Variants in MNAT1 observed in about 807,000 individuals in gnomAD.
The protein encoded by MNAT1 is CDK-activating kinase assembly factor MAT1.
Under a neutral mutation model 42.0 loss-of-function variants are expected in MNAT1, and 43 were observed. The observed-to-expected ratio is 1.02, with a 90% CI of 0.80 to 1.32. The LOEUF (loss-of-function observed/expected upper bound fraction) is 1.32, where lower values mean the gene tolerates loss of function less well. MNAT1 is among the 40% of genes most tolerant of loss of function. The pLI, the probability that MNAT1 is intolerant of heterozygous loss-of-function variation, is 0.00. For synonymous variants in MNAT1, 118 were observed against 120.0 expected, an observed-to-expected ratio of 0.98 and a Z score of 0.11; for missense variants, 306 against 350.4, an observed-to-expected ratio of 0.87 and a Z score of 1.01.
intron 6 of MNAT1, among the ~76,000 whole-genome samples, chr14:60,861,121 TTAA>T (rs1390161777): frequency 1.1e-4 from 17 of 152,174 alleles, no homozygotes; most frequent in African/African-American, 4.8e-5. Flanking sequence ...GTAGTGCAGA[TTAA>T]TATTATGAAT....
At chr14:60,850,942 A>G (rs113918336) in intron 6 of MNAT1, among the ~76,000 whole-genome samples, 1 of 152,238 alleles carries the variant, frequency 6.6e-6, no homozygotes, top group African/African-American at 2.4e-5. Flanking sequence ...AGAAATAATG[A>G]CATGGTCTGG....
At chr14:60,737,313 A>G (rs866626490) in intron 1 of MNAT1, among the ~76,000 whole-genome samples, 1 of 152,182 alleles carries the variant, frequency 6.6e-6, no homozygotes, top group Non-Finnish European at 1.5e-5. Flanking sequence ...TTTTCTATGC[A>G]TATACAAACA....
intron 7 of MNAT1, among the ~76,000 whole-genome samples, chr14:60,942,746 G>C (rs2036195797): frequency 6.6e-6 from 1 of 152,000 alleles, no homozygotes; most frequent in Admixed American, 6.6e-5. Flanking sequence ...ATGCATTTTA[G>C]AAATTAAAAT....
chr14:60,932,065 G>C (rs965835665), intron 7 of MNAT1, among the ~76,000 whole-genome samples: 4 of 151,754 alleles, frequency 2.6e-5, no homozygotes, highest in Non-Finnish European at 5.9e-5. Context: ...AAGGATGTTA[G>C]TTTTAATCAA....
Position 60,782,556 on chromosome 14 carries a change from G to A in MNAT1, c.90-13661G>A, listed in dbSNP as rs577888724. Among the ~76,000 whole-genome samples the A allele has an allele frequency of 4.7e-4, 71 of 152,108 alleles. 1 individual carries two copies. In the Middle Eastern group the frequency reaches 0.02, roughly 44 times the overall value. On this transcript the variant is annotated intron_variant, in intron 1 of 7. Transcript: ENST00000261245. Reference sequence around the variant, plus strand: ...TTGTTACTGGCTCCTTTGAAATCTGGTCCTTACTGGGTATTCCTTGTATTA... The same window carrying A: ...TTGTTACTGGCTCCTTTGAAATCTGATCCTTACTGGGTATTCCTTGTATTA...
chr14:60,946,487 C>A (rs997185727), intron 7 of MNAT1, among the ~76,000 whole-genome samples: 4 of 151,872 alleles, frequency 2.6e-5, no homozygotes, highest in African/African-American at 7.3e-5. Context: ...CAAACTGTAT[C>A]TTTCATTTGC....
chr14:60,953,733 A>T (rs1347559279), intron 7 of MNAT1, among the ~76,000 whole-genome samples: 2 of 152,134 alleles, frequency 1.3e-5, no homozygotes, highest in African/African-American at 4.8e-5. Flanking sequence ...TACAATTTAC[A>T]TTCTCATTAA....
At chr14:60,910,247 A>G (rs1315658070) in intron 7 of MNAT1, among the ~76,000 whole-genome samples, 1 of 152,190 alleles carries the variant, frequency 6.6e-6, no homozygotes, top group Non-Finnish European at 1.5e-5. Context: ...GGTTTTCTAG[A>G]TATACAATCA....
chr14:60,860,274 G>A (rs948516042), intron 6 of MNAT1, among the ~76,000 whole-genome samples: 2 of 151,362 alleles, frequency 1.3e-5, no homozygotes, highest in Non-Finnish European at 2.9e-5. Context: ...GTAGCATTTT[G>A]TAGACAGTTC....
At chr14:60,959,164 T>C (rs1308320301) in intron 7 of MNAT1, among the ~76,000 whole-genome samples, 1 of 152,176 alleles carries the variant, frequency 6.6e-6, no homozygotes, top group Non-Finnish European at 1.5e-5. Context: ...TGCTGACTGC[T>C]AGATTCCTCA....
rs552780141 is a variant in MNAT1, at chr14:60,862,516, G to A, written c.688-17198G>A. 3.0e-3 allele frequency among the ~76,000 whole-genome samples: 458 copies of A among 152,256 alleles called. 3 individuals are homozygous for A. Among genetic ancestry groups the A allele is most frequent in the South Asian group, 0.011 (51 of 4,820 alleles). On this transcript the variant is annotated intron_variant, in intron 6 of 7. Transcript: ENST00000261245. ...CAGCACAAGGGCTCAGTGCCAAAAAGAACAGGTTCAACTTGTCCGTGAGGA... is the reference window on the plus strand; with the variant it reads ...CAGCACAAGGGCTCAGTGCCAAAAAAAACAGGTTCAACTTGTCCGTGAGGA...
At chr14:60,882,147 A>G (rs990059199) in intron 7 of MNAT1, among the ~76,000 whole-genome samples, 2 of 152,042 alleles carry the variant, frequency 1.3e-5, no homozygotes, top group Non-Finnish European at 2.9e-5. Flanking sequence ...GGTGACAAAA[A>G]CAAAAACAAA....
chr14:60,832,728 A>G (rs192919819), intron 6 of MNAT1, among the ~76,000 whole-genome samples: 1 of 151,968 alleles, frequency 6.6e-6, no homozygotes, highest in Non-Finnish European at 1.5e-5. Context: ...AGTTAATGGT[A>G]CCTTGATAGG....
chr14:60,888,277 T>A (rs1028577498), intron 7 of MNAT1, among the ~76,000 whole-genome samples: 1 of 151,668 alleles, frequency 6.6e-6, no homozygotes, highest in African/African-American at 2.4e-5. Flanking sequence ...ATCCCTGGGA[T>A]GCAAGGCTGG....
chr14:60,920,056 G>T, intron 7 of MNAT1: 2 of 153,410 alleles, frequency 1.3e-5, no homozygotes, highest in South Asian at 3.7e-4. Flanking sequence ...CACCTGCAGT[G>T]ACAAGGCATG....
rs1173501089 is a variant in MNAT1, at chr14:60,899,999, G to A, written c.809+20164G>A. Among the ~76,000 whole-genome samples the A allele has an allele frequency of 1.2e-4, 18 of 150,300 alleles. No individual in the cohort carries two copies. In the Admixed American group the frequency reaches 1.2e-3, roughly 10 times the overall value. On this transcript the variant is annotated intron_variant, in intron 7 of 7. Transcript: ENST00000261245. The stretch of plus-strand genomic sequence containing the variant: ...AACTGTACCCGTATAAGAAGGTGAA[G>A]TTAATAAATGTGTGTGTTCTGACTG...
intron 5 of MNAT1, among the ~76,000 whole-genome samples, chr14:60,814,540 GCTATTATC>G (rs1485261078): frequency 6.6e-6 from 1 of 151,816 alleles, no homozygotes; most frequent in Non-Finnish European, 1.5e-5. Context: ...AGTTGATAAT[GCTATTATC>G]CTATGATTGG....
At position 60,817,579 on chromosome 14, in the gene MNAT1, T is replaced by A. The variant is rs528804553; in HGVS notation, c.562-1143T>A. On this transcript the variant is annotated intron_variant, in intron 5 of 7. Coordinates refer to ENST00000261245, the MANE Select transcript of MNAT1 (RefSeq NM_002431.4). ...TATTGAATTAAGTTGCTTATTTGAG[T>A]TATTTCTATACTGTAACCTTAAACC... 2.6e-5 allele frequency among the ~76,000 whole-genome samples: 4 copies of A among 152,166 alleles called. No individual in the cohort carries two copies. In the South Asian group the frequency reaches 8.3e-4, roughly 32 times the overall value.
At chr14:60,854,654 C>T (rs370371766) in intron 6 of MNAT1, among the ~76,000 whole-genome samples, 3 of 152,164 alleles carry the variant, frequency 2.0e-5, no homozygotes, top group Non-Finnish European at 1.5e-5. Flanking sequence ...AAGATTGCTG[C>T]CTGCTCCTTC....
Sources: gnomAD v4.1 joint callset for allele counts (sites outside exome capture counted in the v4.1 genomes callset) on GRCh38, gnomAD v4.1.1 for gene constraint, MANE v1.5 for transcripts, NCBI Gene and HGNC (gene_info 2026-07-23, HGNC 2026-07-21) for gene names.